RBBP4: variants seen among roughly 807,000 people sequenced by gnomAD.
The protein encoded by RBBP4 is RB binding protein 4, chromatin remodeling factor.
RBBP4 carries 3 observed loss-of-function variants against 57.2 expected under a neutral mutation model. The ratio of observed to expected loss-of-function variants is 0.05; its 90% CI spans 0.02 to 0.14. The LOEUF is 0.14. Ranked by LOEUF, RBBP4 falls within the 10% of genes least tolerant of loss-of-function variation. RBBP4 has a pLI of 1.00. For missense variants in RBBP4, 107 were observed against 520.6 expected, an observed-to-expected ratio of 0.21 and a Z score of 7.73; for synonymous variants, 151 against 171.5, an observed-to-expected ratio of 0.88 and a Z score of 0.93.
At chr1:32,663,695 G>C (rs1648521451) in intron 3 of RBBP4, among the ~76,000 whole-genome samples, 2 of 151,842 alleles carry the variant, frequency 1.3e-5, no homozygotes, top group African/African-American at 4.8e-5. Context: ...TCCTGCCTCA[G>C]GCTCCCGAGT....
intron 2 of RBBP4, among the ~76,000 whole-genome samples, chr1:32,654,360 G>A (rs1159181116): frequency 6.6e-6 from 1 of 152,050 alleles, no homozygotes; most frequent in Non-Finnish European, 1.5e-5. Context: ...CCTGAGCTAG[G>A]GATTGCCACC....
At chr1:32,663,240 T>C (rs946829249) in intron 3 of RBBP4, among the ~76,000 whole-genome samples, 1 of 152,058 alleles carries the variant, frequency 6.6e-6, no homozygotes, top group South Asian at 2.1e-4. Flanking sequence ...TGCATACATA[T>C]ATAAAAATTC....
In RBBP4 at chr1:32,683,925, G is replaced by A. The variant is rs1220062215; in HGVS notation, c.*4220G>A. On this transcript the variant is annotated 3_prime_UTR_variant, in exon 12 of 12. Coordinates refer to ENST00000373493, the MANE Select transcript of RBBP4 (RefSeq NM_005610.3). ...TAGGATTACAGGCGTGAGCCACCCCGTCCGGCCTGTTTTTAAGGCATTAAT... is the reference window on the plus strand; with the variant it reads ...TAGGATTACAGGCGTGAGCCACCCCATCCGGCCTGTTTTTAAGGCATTAAT... 1.2e-5 allele frequency: 17 copies of A among 1,387,094 alleles called. No individual in the cohort carries two copies. The highest frequency in any genetic ancestry group is 4.3e-5 in the African/African-American group (3 of 70,580). The allele number at this position is 1,387,094 out of a possible 1,614,324, so 85.9% of individuals were successfully genotyped here. A position where few individuals can be genotyped will look rare whatever the true frequency, so the allele number is the denominator to read the frequency against.
At chr1:32,672,232 C>G (rs962211984) in intron 8 of RBBP4, among the ~76,000 whole-genome samples, 9 of 152,086 alleles carry the variant, frequency 5.9e-5, no homozygotes, top group African/African-American at 2.2e-4. Context: ...TCATGTGATC[C>G]ACCCGCCTCC....
Position 32,672,788 on chromosome 1 carries a change from C to A in RBBP4, c.1102-3C>A. ...CACCTCTTTGTTTTCTTCCCTCTTT[C>A]AGTTTATTCATGGTGGTCATACTGC... On this transcript the variant is annotated splice_region_variant and splice_polypyrimidine_tract_variant and intron_variant, in intron 10 of 11. Transcript: ENST00000373493. The A allele has an allele frequency of 6.2e-7, 1 of 1,610,854 alleles. No individual in the cohort carries two copies. The highest frequency in any genetic ancestry group is 1.7e-4 in the Middle Eastern group (1 of 6,056).
chr1:32,659,174 C>T (rs962987468), intron 3 of RBBP4, among the ~76,000 whole-genome samples: 1 of 148,858 alleles, frequency 6.7e-6, no homozygotes, highest in Admixed American at 6.8e-5. Context: ...TACACACACA[C>T]AATATAAATG....
intron 3 of RBBP4, among the ~76,000 whole-genome samples, chr1:32,665,549 A>G (rs751060253): frequency 2.6e-5 from 4 of 151,900 alleles, no homozygotes; most frequent in Non-Finnish European, 4.4e-5. Context: ...GTCATGGCAC[A>G]TGGCTGCAGT....
At position 32,680,848 on chromosome 1, in the gene RBBP4, A is replaced by G. The variant is rs988160344; in HGVS notation, c.*1143A>G. On this transcript the variant is annotated 3_prime_UTR_variant, in exon 12 of 12. Transcript: ENST00000373493. ...GAAAGTGAAAGACATAAAACACTGA[A>G]TCAGAGGTGGCACAGATTAGTCTTT... 1 of 340,606 alleles carries G rather than the reference A, an allele frequency of 2.9e-6. No individual in the cohort carries two copies. Among genetic ancestry groups the G allele is most frequent in the Non-Finnish European group, 5.3e-6 (1 of 187,944 alleles). 21.1% of individuals were successfully genotyped at this position (340,606 alleles called of 1,614,324 possible).
rs1033330699 is a variant in RBBP4, at chr1:32,684,156, A to G, written c.*4451A>G. Reference sequence around the variant, plus strand: ...GCACAATTTGAAAATCATTTCCCAAATCCTCTTTTTGTTTTTGATTCTAAG... The same window carrying G: ...GCACAATTTGAAAATCATTTCCCAAGTCCTCTTTTTGTTTTTGATTCTAAG... On this transcript the variant is annotated 3_prime_UTR_variant, in exon 12 of 12. Transcript: ENST00000373493. The G allele has an allele frequency of 6.2e-7, 1 of 1,606,726 alleles. No homozygotes were observed. The highest frequency in any genetic ancestry group is 8.5e-7 in the Non-Finnish European group (1 of 1,175,702).
rs1234108270 is a variant in RBBP4 at position 32,680,055 on chromosome 1, A to C, written c.*350A>C. On this transcript the variant is annotated 3_prime_UTR_variant, in exon 12 of 12. Coordinates refer to ENST00000373493, the MANE Select transcript of RBBP4 (RefSeq NM_005610.3). ...AAAGGCTAGAGTGAGTAAGGAATAG[A>C]GCCAAATGAGGTAGGTGTCTGAGCC... The C allele has an allele frequency of 1.0e-5, 11 of 1,082,638 alleles. No individual in the cohort carries two copies. Among genetic ancestry groups the C allele is most frequent in the Admixed American group, 5.1e-5 (1 of 19,730 alleles). 67.1% of individuals were successfully genotyped at this position (1,082,638 alleles called of 1,614,324 possible). A position where few individuals can be genotyped will look rare whatever the true frequency, so the allele number is the denominator to read the frequency against.
At position 32,683,934 on chromosome 1, in the gene RBBP4, G is replaced by T. The variant is rs922866883; in HGVS notation, c.*4229G>T. 4.0e-6 allele frequency: 6 copies of T among 1,489,418 alleles called. No individual in the cohort carries two copies. In the South Asian group the frequency reaches 6.8e-5, roughly 17 times the overall value. 92.3% of individuals were successfully genotyped at this position (1,489,418 alleles called of 1,614,324 possible). On this transcript the variant is annotated 3_prime_UTR_variant, in exon 12 of 12. Coordinates refer to ENST00000373493, the MANE Select transcript of RBBP4 (RefSeq NM_005610.3). ...AGGCGTGAGCCACCCCGTCCGGCCT[G>T]TTTTTAAGGCATTAATTAGTATTGT...
chr1:32,673,442 C>CT (rs201749130), intron 11 of RBBP4: 14,426 of 364,476 alleles, frequency 0.04, 385 homozygotes, highest in Admixed American at 0.1. Flanking sequence ...TAAATTTTCT[C>CT]TTTTTTTTTT....
intron 11 of RBBP4, among the ~76,000 whole-genome samples, chr1:32,673,304 G>A (rs1438973969): frequency 6.6e-6 from 1 of 152,062 alleles, no homozygotes; most frequent in Non-Finnish European, 1.5e-5. Flanking sequence ...CATCTTACAA[G>A]TACAAATTTA....
At chr1:32,668,897 C>T in intron 5 of RBBP4, 43 bp downstream of exon 5, 1 of 1,612,070 alleles carries the variant, frequency 6.2e-7, no homozygotes, top group Non-Finnish European at 8.5e-7. Flanking sequence ...GGCTAGTTAC[C>T]AGTTGGTTTC....
intron 2 of RBBP4, among the ~76,000 whole-genome samples, chr1:32,652,851 A>G (rs1021915151): frequency 3.3e-5 from 5 of 152,194 alleles, no homozygotes; most frequent in African/African-American, 1.2e-4. Context: ...TGGCCTCAAC[A>G]AAACTTAATT....
intron 3 of RBBP4, among the ~76,000 whole-genome samples, chr1:32,658,265 A>T (rs1042666371): frequency 2.0e-5 from 3 of 151,918 alleles, no homozygotes; most frequent in East Asian, 3.9e-4. Context: ...TAAAGCACAG[A>T]TATGCACAGA....
intron 3 of RBBP4, among the ~76,000 whole-genome samples, chr1:32,660,380 G>A (rs1299488513): frequency 6.6e-6 from 1 of 151,598 alleles, no homozygotes; most frequent in Non-Finnish European, 1.5e-5. Context: ...AGTAGCTCTG[G>A]CTACAGACAT....
Position 32,684,319 on chromosome 1 carries a change from G to C in RBBP4, c.*4614G>C. ...AGCTGTTCCATCTCTTTGTTCTTCT[G>C]TTGCTGGAGTTGCACCCCATTTCTT... On this transcript the variant is annotated 3_prime_UTR_variant, in exon 12 of 12. Coordinates refer to ENST00000373493, the MANE Select transcript of RBBP4 (RefSeq NM_005610.3). The C allele has an allele frequency of 1.2e-6, 2 of 1,614,118 alleles. No homozygotes were observed. Among genetic ancestry groups the C allele is most frequent in the Non-Finnish European group, 1.7e-6 (2 of 1,180,026 alleles).
chr1:32,679,106 G>A (rs767011840), intron 11 of RBBP4, among the ~76,000 whole-genome samples: 2 of 152,106 alleles, frequency 1.3e-5, no homozygotes, highest in Non-Finnish European at 2.9e-5. Context: ...AGACCAGCCT[G>A]GCCAACATGG....
Sources: allele counts gnomAD v4.1 joint callset (sites outside exome capture counted in the v4.1 genomes callset), GRCh38; gene constraint gnomAD v4.1.1; transcripts MANE v1.5; gene names NCBI Gene and HGNC (gene_info 2026-07-23, HGNC 2026-07-21).